Variants in TGM5 observed in about 807,000 individuals in gnomAD.
The protein encoded by TGM5 is transglutaminase 5.
A neutral mutation model predicts 77.2 loss-of-function variants in TGM5; 69 were observed. That is an observed-to-expected ratio of 0.89 (90% CI 0.74 to 1.09). The LOEUF is 1.09. Ranked by LOEUF, TGM5 falls within the 50% of genes least tolerant of loss-of-function variation. The pLI, the probability that TGM5 is intolerant of heterozygous loss-of-function variation, is 0.00. For synonymous variants in TGM5, 346 were observed against 351.8 expected (o/e 0.98, Z 0.18); for missense variants, 842 against 896.5 (o/e 0.94, Z 0.78).
intron 4 of TGM5, among the ~76,000 whole-genome samples, chr15:43,254,771 C>T (rs2042731498): frequency 6.6e-6 from 1 of 152,150 alleles, no homozygotes. Flanking sequence ...CACTATCCTT[C>T]ACTTGGCTAA....
Position 43,233,325 on chromosome 15 carries a change from G to T in TGM5, c.2029C>A (p.Gln677Lys), listed in dbSNP as rs886406235. 6.2e-7 allele frequency: 1 copy of T among 1,613,902 alleles called. No homozygotes were observed. The highest frequency in any genetic ancestry group is 8.5e-7 in the Non-Finnish European group (1 of 1,180,030). The change falls in exon 13 of 13, where the codon CAA (glutamine) becomes AAA (lysine). Residue 677 changes from glutamine to lysine, a missense_variant. Gln to Lys is a moderately conservative substitution (Grantham distance 53, BLOSUM62 1). Transcript: ENST00000220420. ...TCCAGAATGATGCTTGCTTGGTGTT[G>T]GGGTTTGAGGACTCCAAGGCTGCAA... Reference protein sequence around the residue: ...QKVFLGVLKPQHQASIILETV... With the variant: ...QKVFLGVLKPKHQASIILETV...
chr15:43,247,190 A>G (rs1212209370), intron 6 of TGM5, among the ~76,000 whole-genome samples: 1 of 152,024 alleles, frequency 6.6e-6, no homozygotes, highest in Non-Finnish European at 1.5e-5. Context: ...CAAACCTCCA[A>G]AAGCTCAAAT....
Position 43,261,060 on chromosome 15 carries a change from C to CTTTTTTTTTTT in TGM5, c.11-482_11-481insAAAAAAAAAAA, listed in dbSNP as rs199676346. On this transcript the variant is annotated intron_variant, in intron 1 of 12. Coordinates refer to ENST00000220420, the MANE Select transcript of TGM5 (RefSeq NM_201631.4). The stretch of plus-strand genomic sequence containing the variant: ...TAACTCCTTGGGCTAGCTGCTCTTC[C>CTTTTTTTTTTT]TTTTTTTGTGTGTGTGTTTTTTTTT... Among the ~76,000 whole-genome samples, 21 of 90,598 alleles carry CTTTTTTTTTTT rather than the reference C, an allele frequency of 2.3e-4. 2 individuals are homozygous for CTTTTTTTTTTT. Among genetic ancestry groups the CTTTTTTTTTTT allele is most frequent in the African/African-American group, 9.5e-4 (15 of 15,798 alleles). The allele number at this position is 90,598 out of a possible 152,430, so 59.4% of individuals were successfully genotyped here.
chr15:43,248,397 C>T (rs2042682692), intron 6 of TGM5, among the ~76,000 whole-genome samples: 1 of 152,192 alleles, frequency 6.6e-6, no homozygotes, highest in African/African-American at 2.4e-5. Flanking sequence ...TGGTCTCGAT[C>T]TCCTGACCTG....
chr15:43,252,764 C>A lies in TGM5; in HGVS notation c.857G>T (p.Cys286Phe), dbSNP rs2042713777. The A allele has an allele frequency of 6.2e-7, 1 of 1,613,702 alleles. No individual in the cohort carries two copies. The highest frequency in any genetic ancestry group is 8.5e-7 in the Non-Finnish European group (1 of 1,180,038). Residue 286 changes from cysteine to phenylalanine, a missense_variant, in exon 6 of 13, where the codon TGC becomes TTC. Physicochemically the swap from Cys to Phe is radical, Grantham distance 205. Transcript: ENST00000220420. ...GGGTCCTTTCTACCTCCTACCTGTG[C>A]ACATGACGGCAGCAAAGACCCAGCA... ...GQCWVFAAVM[C>F]TVMRCLGIPT...
At chr15:43,261,074 G>GTTTTTTTTT (rs1387299009) in intron 1 of TGM5, among the ~76,000 whole-genome samples, 5 of 73,868 alleles carry the variant, frequency 6.8e-5, no homozygotes, top group Admixed American at 3.7e-4. Flanking sequence ...TTTTGTGTGT[G>GTTTTTTTTT]TGTTTTTTTT....
intron 1 of TGM5, among the ~76,000 whole-genome samples, chr15:43,263,891 G>T (rs1043793670): frequency 4.6e-5 from 7 of 152,154 alleles, no homozygotes; most frequent in Non-Finnish European, 7.4e-5. Flanking sequence ...TAGAATGTTA[G>T]GAAATGTTTG....
chr15:43,232,590 C>T lies in TGM5; in HGVS notation c.*601G>A, dbSNP rs928112049. On this transcript the variant is annotated 3_prime_UTR_variant, in exon 13 of 13. Transcript: ENST00000220420. ...ATAGGAAAGTGATGACTACATGAGG[C>T]AAAGGAGAGCAAGGTCTGAAGTTTA... The T allele has an allele frequency of 6.4e-6, 1 of 156,420 alleles. No individual in the cohort carries two copies. Among genetic ancestry groups the T allele is most frequent in the African/African-American group, 2.4e-5 (1 of 41,452 alleles). The allele number at this position is 156,420 out of a possible 1,614,324, so 9.7% of individuals were successfully genotyped here. A position where few individuals can be genotyped will look rare whatever the true frequency, so the allele number is the denominator to read the frequency against.
At chr15:43,242,407 C>T (rs182417321) in intron 6 of TGM5, among the ~76,000 whole-genome samples, 30 of 151,320 alleles carry the variant, frequency 2.0e-4, no homozygotes, top group African/African-American at 7.1e-4. Flanking sequence ...TTTCAATTTT[C>T]CCCCTGTTGT....
In TGM5 at chr15:43,261,297, G is replaced by A. The variant is rs1042329643; in HGVS notation, c.11-718C>T. Among the ~76,000 whole-genome samples the A allele has an allele frequency of 2.0e-5, 3 of 152,032 alleles. No individual in the cohort carries two copies. The East Asian group carries it at 5.8e-4, about 29-fold the overall frequency. On this transcript the variant is annotated intron_variant, in intron 1 of 12. Transcript: ENST00000220420. The stretch of plus-strand genomic sequence containing the variant: ...GTAAAGACAGGGTTTCACCGTGTTA[G>A]CGAGAATGGTCTGGATCTCCTGACC...
chr15:43,256,360 G>A (rs748510737), intron 4 of TGM5, among the ~76,000 whole-genome samples: 1 of 152,160 alleles, frequency 6.6e-6, no homozygotes, highest in Non-Finnish European at 1.5e-5. Flanking sequence ...CTTAGCTCTT[G>A]TTGTCCAAAT....
intron 6 of TGM5, among the ~76,000 whole-genome samples, chr15:43,247,465 G>T (rs1382331649): frequency 6.6e-6 from 1 of 151,664 alleles, no homozygotes; most frequent in Non-Finnish European, 1.5e-5. Flanking sequence ...CACCTGCACA[G>T]GTACCCCCGA....
rs1444155982 is a variant in TGM5, at chr15:43,235,933, A to G, written c.1346-96T>C. On this transcript the variant is annotated intron_variant, in intron 9 of 12. Transcript: ENST00000220420. The stretch of plus-strand genomic sequence containing the variant: ...CCCCCACCCAATATCTCCACCAACA[A>G]CTTCAGGCCTTCACTCCCAGTAACA... 3 of 1,543,318 alleles carry G rather than the reference A, an allele frequency of 1.9e-6. No homozygotes were observed. The Admixed American group carries it at 5.0e-5, about 26-fold the overall frequency.
Position 43,253,573 on chromosome 15 carries a change from G to A in TGM5, c.617C>T (p.Thr206Ile). Residue 206 changes from threonine to isoleucine, a missense_variant, in exon 5 of 13, where the codon ACT becomes ATT. Coordinates refer to ENST00000220420, the MANE Select transcript of TGM5 (RefSeq NM_201631.4). ...KLLDKSLHFQ[T>I]DPATDCALRG... ...CAGAGCACAGTCTGTGGCTGGGTCA[G>A]TCTGGAAGTGCAGGCTCTTGTCTAG... 6.2e-7 allele frequency: 1 copy of A among 1,613,922 alleles called. No homozygotes were observed. The highest frequency in any genetic ancestry group is 8.5e-7 in the Non-Finnish European group (1 of 1,180,046).
In TGM5 at chr15:43,260,533, C is replaced by T; in HGVS notation, c.57G>A (p.Val19=). Residue 19 remains valine (V), a synonymous_variant, in exon 2 of 13, where the codon GTG becomes GTA. Transcript: ENST00000220420. The part of the protein sequence containing the change: ...LTDLQSSRNN[V]RHHTEEITVD... Reference sequence around the variant, plus strand: ...CAGTGATCTCCTCCGTGTGGTGCCGCACATTATTTCTGGAGCTCTGGAGGT... The same window carrying T: ...CAGTGATCTCCTCCGTGTGGTGCCGTACATTATTTCTGGAGCTCTGGAGGT... 2 of 1,614,120 alleles carry T rather than the reference C, an allele frequency of 1.2e-6. No homozygotes were observed. The highest frequency in any genetic ancestry group is 1.1e-5 in the South Asian group (1 of 91,088).
chr15:43,236,792 C>A (rs931892580), intron 9 of TGM5, among the ~76,000 whole-genome samples: 2 of 151,938 alleles, frequency 1.3e-5, no homozygotes, highest in African/African-American at 4.8e-5. Flanking sequence ...CATGGTGAAA[C>A]CCTGTTTCTA....
At chr15:43,233,977 G>A (rs761931634) in intron 11 of TGM5, among the ~76,000 whole-genome samples, 4 of 149,272 alleles carry the variant, frequency 2.7e-5, no homozygotes, top group East Asian at 4.0e-4. Flanking sequence ...AGACCTTTAC[G>A]AGCCTGGAGA....
intron 6 of TGM5, among the ~76,000 whole-genome samples, chr15:43,251,574 T>A (rs759816923): frequency 6.6e-6 from 1 of 152,122 alleles, no homozygotes; most frequent in Non-Finnish European, 1.5e-5. Flanking sequence ...TTGCTTGGCT[T>A]CTCTCCCCAG....
intron 9 of TGM5, among the ~76,000 whole-genome samples, chr15:43,238,612 C>A (rs144913226): frequency 6.6e-6 from 1 of 152,152 alleles, no homozygotes; most frequent in East Asian, 1.9e-4. Flanking sequence ...CGCCTTGTGG[C>A]GGGAGCTCGC....
Sources: gnomAD v4.1 joint callset for allele counts (sites outside exome capture counted in the v4.1 genomes callset) on GRCh38, gnomAD v4.1.1 for gene constraint, MANE v1.5 for transcripts, NCBI Gene and HGNC (gene_info 2026-07-23, HGNC 2026-07-21) for gene names.